LIMK2: variants seen among roughly 807,000 people sequenced by gnomAD.
LIMK2 encodes the protein LIM domain kinase 2.
A neutral mutation model predicts 75.7 loss-of-function variants in LIMK2; 35 were observed. That is an observed-to-expected ratio of 0.46 (90% CI 0.35 to 0.61). The LOEUF is 0.61. Ranked by LOEUF, LIMK2 falls within the 20% of genes least tolerant of loss-of-function variation. The probability of loss-of-function intolerance (pLI) is 0.00; values close to 1 mark genes in which losing one functional copy is unlikely to be tolerated. For synonymous variants in LIMK2, 301 were observed against 319.2 expected (o/e 0.94, Z 0.61); for missense variants, 623 against 831.0 (o/e 0.75, Z 3.08).
At chr22:31,277,227 C>G (rs527388244) in intron 15 of LIMK2, 1 of 1,588,674 alleles carries the variant, frequency 6.3e-7, no homozygotes, top group East Asian at 2.3e-5. Flanking sequence ...GGGGACCCTG[C>G]GGCCAGGCCT....
chr22:31,219,594 C>G (rs895646225), intron 1 of LIMK2, among the ~76,000 whole-genome samples: 1 of 151,688 alleles, frequency 6.6e-6, no homozygotes, highest in African/African-American at 2.4e-5. Context: ...TTTTTTGAGA[C>G]AGAGTCTGGC....
At position 31,246,567 on chromosome 22, in the gene LIMK2, TC is replaced by T. The variant is rs201145482; in HGVS notation, c.117-11723del. The stretch of plus-strand genomic sequence containing the variant: ...ACAGAAAAAGTGCCTTGACCTGTGC[TC>T]TAGAGCCATATGTACCAGGTTTGAA... On this transcript the variant is annotated intron_variant, in intron 2 of 15. Transcript: ENST00000331728. Among the ~76,000 whole-genome samples, 190 of 151,944 alleles carry T rather than the reference TC, an allele frequency of 1.3e-3. 3 individuals carry two copies. The East Asian group carries it at 0.031, about 25-fold the overall frequency.
At chr22:31,277,265 C>T (rs2049039667) in intron 15 of LIMK2, 12 of 1,522,030 alleles carry the variant, frequency 7.9e-6, no homozygotes, top group Non-Finnish European at 1.1e-5. Flanking sequence ...TCCTCGTGCC[C>T]CTGGCCCAGG....
chr22:31,226,696 GC>G (rs1398202696), intron 2 of LIMK2, among the ~76,000 whole-genome samples: 2 of 152,218 alleles, frequency 1.3e-5, no homozygotes, highest in Non-Finnish European at 2.9e-5. Context: ...TGCAACCTCT[GC>G]CCCCCGAGTT....
intron 7 of LIMK2, among the ~76,000 whole-genome samples, chr22:31,263,714 T>A (rs1410289367): frequency 1.4e-4 from 22 of 152,104 alleles, no homozygotes; most frequent in Non-Finnish European, 1.5e-5. Flanking sequence ...TTTAATTAGA[T>A]GGGCAGGGCA....
intron 2 of LIMK2, among the ~76,000 whole-genome samples, chr22:31,233,408 C>G (rs550851050): frequency 3.6e-4 from 55 of 152,352 alleles, no homozygotes; most frequent in Non-Finnish European, 7.2e-4. Flanking sequence ...TCCACACTCT[C>G]CTGGTTTTCT....
intron 15 of LIMK2, chr22:31,276,925 G>C (rs767461702): frequency 6.2e-7 from 1 of 1,613,632 alleles, no homozygotes; most frequent in South Asian, 1.1e-5. Flanking sequence ...GTGGATCCTG[G>C]AGCAGCTCAC....
intron 15 of LIMK2, chr22:31,277,182 C>T (rs575656341): frequency 2.5e-6 from 4 of 1,611,940 alleles, no homozygotes; most frequent in East Asian, 4.5e-5. Context: ...ATAGGACAAT[C>T]GCTACCCCCC....
chr22:31,270,029 G>C (rs1208294155), intron 11 of LIMK2, among the ~76,000 whole-genome samples: 1 of 152,016 alleles, frequency 6.6e-6, no homozygotes, highest in Non-Finnish European at 1.5e-5. Context: ...TTTGGGGGAT[G>C]GGGGATAGCC....
rs2049069864 is a variant in LIMK2 at position 31,279,933 on chromosome 22, G to T, written c.*1492G>T. 1 of 152,272 alleles carries T rather than the reference G, an allele frequency of 6.6e-6. No homozygotes were observed. 9.4% of individuals were successfully genotyped at this position (152,272 alleles called of 1,614,324 possible). The stretch of plus-strand genomic sequence containing the variant: ...GTGTGAAGTTTGCAAGCTTGCTTTA[G>T]GGCTGAGCCCTGGACTCCCAGCAGC... On this transcript the variant is annotated 3_prime_UTR_variant, in exon 16 of 16. Coordinates refer to ENST00000331728, the MANE Select transcript of LIMK2 (RefSeq NM_005569.4).
intron 15 of LIMK2, chr22:31,276,846 G>T: frequency 6.2e-7 from 1 of 1,612,122 alleles, no homozygotes; most frequent in South Asian, 1.1e-5. Context: ...AGGGCCCAGT[G>T]AGGCGCCAAG....
At position 31,220,818 on chromosome 22, in the gene LIMK2, CG is replaced by C. The variant is rs374790622; in HGVS notation, c.17-4899del. On this transcript the variant is annotated intron_variant, in intron 1 of 15. Transcript: ENST00000331728. ...TCTCTACTAAAAATACAAAATTAGC[CG>C]GGCGTCGTGGCGCATGCCCACAATC... 4.9e-4 allele frequency among the ~76,000 whole-genome samples: 74 copies of C among 152,250 alleles called. 3 individuals are homozygous for C. The highest frequency in any genetic ancestry group is 1.7e-3 in the African/African-American group (70 of 41,554).
chr22:31,240,020 A>G (rs1310398347), intron 2 of LIMK2, among the ~76,000 whole-genome samples: 3 of 152,196 alleles, frequency 2.0e-5, no homozygotes, highest in African/African-American at 7.2e-5. Flanking sequence ...AAGGAATGGC[A>G]TGCCTTCTGC....
chr22:31,236,830 T>C (rs2048579862), intron 2 of LIMK2, among the ~76,000 whole-genome samples: 1 of 150,346 alleles, frequency 6.7e-6, no homozygotes, highest in Non-Finnish European at 1.5e-5. Flanking sequence ...GGCACGAGAA[T>C]CGCTTGAACC....
At chr22:31,247,004 A>G (rs1183045266) in intron 2 of LIMK2, among the ~76,000 whole-genome samples, 1 of 152,224 alleles carries the variant, frequency 6.6e-6, no homozygotes, top group Admixed American at 6.5e-5. Flanking sequence ...ATGTGCTCTT[A>G]TCACATGCAT....
intron 2 of LIMK2, among the ~76,000 whole-genome samples, chr22:31,236,218 T>C (rs1191080947): frequency 1.4e-5 from 2 of 144,668 alleles, no homozygotes; most frequent in Non-Finnish European, 3.0e-5. Flanking sequence ...CACTTGAACC[T>C]GGAAGGCAGA....
chr22:31,250,382 G>A (rs1218689839), intron 2 of LIMK2, among the ~76,000 whole-genome samples: 6 of 152,162 alleles, frequency 3.9e-5, no homozygotes, highest in African/African-American at 1.4e-4. Flanking sequence ...CTCAGGAAGA[G>A]GAGAAGCTAG....
chr22:31,246,191 A>ACACACACACACACACACACACACACACT (rs2048668485), intron 2 of LIMK2, among the ~76,000 whole-genome samples: 1 of 149,532 alleles, frequency 6.7e-6, no homozygotes. Context: ...ACGCACACAC[A>ACACACACACACACACACACACACACACT]CACACACACA....
chr22:31,268,380 G>A lies in LIMK2; in HGVS notation c.1317+180G>A, dbSNP rs565467999. Among the ~76,000 whole-genome samples the A allele has an allele frequency of 1.6e-4, 24 of 152,344 alleles. No individual in the cohort carries two copies. In the South Asian group the frequency reaches 4.8e-3, roughly 30 times the overall value. The stretch of plus-strand genomic sequence containing the variant: ...CCCAGCCAACTGTTCTCAGTTCACA[G>A]CCCTGTTTTCAAAGAATTACACATC... On this transcript the variant is annotated intron_variant, in intron 11 of 15. Transcript: ENST00000331728.
Sources: allele counts gnomAD v4.1 joint callset (sites outside exome capture counted in the v4.1 genomes callset), GRCh38; gene constraint gnomAD v4.1.1; transcripts MANE v1.5; gene names NCBI Gene and HGNC (gene_info 2026-07-23, HGNC 2026-07-21).